The following INTS4 variants were observed in gnomAD, a reference collection of about 807,000 sequenced individuals.
INTS4 encodes the protein MSTP093.
INTS4 carries 70 observed loss-of-function variants against 119.5 expected under a neutral mutation model. That is an observed-to-expected ratio of 0.59 (90% CI 0.48 to 0.71). The LOEUF is 0.71. Ranked by LOEUF, INTS4 falls within the 30% of genes least tolerant of loss-of-function variation. INTS4 has a pLI of 0.00. For synonymous variants in INTS4, 316 were observed against 419.6 expected (o/e 0.75, Z 3.02); for missense variants, 867 against 1,173.2 (o/e 0.74, Z 3.81).
chr11:77,883,701 T>C, intron 22 of INTS4, 131 bp downstream of exon 22: 1 of 982,712 alleles, frequency 1.0e-6, no homozygotes, highest in Non-Finnish European at 1.5e-6. Flanking sequence ...GCTTATAAAC[T>C]CATTAAGTTC....
rs1952847846 is a variant in INTS4, at chr11:77,903,636, A to G, written c.2017-16T>C. On this transcript the variant is annotated splice_polypyrimidine_tract_variant and intron_variant, in intron 16 of 22. Transcript: ENST00000534064. Reference sequence around the variant, plus strand: ...CCTGCAAGGCCTACGCAGACAAATCAGGAGGGAACAGAATACCGAGGTCAC... The same window carrying G: ...CCTGCAAGGCCTACGCAGACAAATCGGGAGGGAACAGAATACCGAGGTCAC... The G allele has an allele frequency of 6.2e-7, 1 of 1,601,846 alleles. No individual in the cohort carries two copies. Among genetic ancestry groups the G allele is most frequent in the Non-Finnish European group, 8.5e-7 (1 of 1,170,890 alleles).
chr11:77,903,802 C>T (rs1266832218), intron 16 of INTS4, among the ~76,000 whole-genome samples, 182 bp from the exon 17 acceptor site: 1 of 152,184 alleles, frequency 6.6e-6, no homozygotes, highest in Non-Finnish European at 1.5e-5. Context: ...ATGGTTTGGG[C>T]TAAATGAATT....
intron 2 of INTS4, among the ~76,000 whole-genome samples, chr11:77,982,037 T>C (rs954576989): frequency 6.6e-6 from 1 of 152,012 alleles, no homozygotes; most frequent in Non-Finnish European, 1.5e-5. Context: ...CAACTGGGTA[T>C]ACAACATTGC....
chr11:77,884,256 C>A (rs1315319167), intron 21 of INTS4, among the ~76,000 whole-genome samples: 1 of 152,176 alleles, frequency 6.6e-6, no homozygotes, highest in Non-Finnish European at 1.5e-5. Flanking sequence ...CAGGCACCTT[C>A]ACCAGAAGAG....
At chr11:77,932,235 A>AC (rs1953668109) in intron 10 of INTS4, among the ~76,000 whole-genome samples, 1 of 144,846 alleles carries the variant, frequency 6.9e-6, no homozygotes, top group Admixed American at 6.8e-5. Flanking sequence ...ACTTAAACAA[A>AC]TTTCCAAAAA....
rs563391433 is a variant in INTS4, at chr11:77,979,196, C to T, written c.365-94G>A. ...GGGTAAAGAATGTAGATTGGCTAGG[C>T]GCAGTGACTCACAACTGTAATCCCA... On this transcript the variant is annotated intron_variant, in intron 3 of 22. Coordinates refer to ENST00000534064, the MANE Select transcript of INTS4 (RefSeq NM_033547.4). 2.8e-5 allele frequency: 19 copies of T among 674,204 alleles called. No homozygotes were observed. The Middle Eastern group carries it at 2.6e-3, about 91-fold the overall frequency. The allele number at this position is 674,204 out of a possible 1,614,324, so 41.8% of individuals were successfully genotyped here.
chr11:77,941,381 T>A, intron 8 of INTS4, 130 bp from the exon 9 acceptor site: 1 of 951,220 alleles, frequency 1.1e-6, no homozygotes, highest in Non-Finnish European at 1.5e-6. Context: ...ATGCTATGGG[T>A]TCTGAATCAG....
downstream of INTS4, among the ~76,000 whole-genome samples, chr11:77,878,222 C>T (rs1412515038): frequency 2.0e-5 from 3 of 151,956 alleles, no homozygotes; most frequent in Non-Finnish European, 4.4e-5. Context: ...ATTAGCAAGG[C>T]GTGGTGACAG....
chr11:77,892,454 T>C (rs899043233), intron 19 of INTS4, among the ~76,000 whole-genome samples: 3 of 152,192 alleles, frequency 2.0e-5, no homozygotes, highest in East Asian at 3.8e-4. Context: ...ATGAAGAACT[T>C]TGGGGATTCA....
chr11:77,885,158 A>G (rs1591001585), intron 21 of INTS4, among the ~76,000 whole-genome samples: 2 of 150,460 alleles, frequency 1.3e-5, no homozygotes, highest in East Asian at 2.0e-4. Context: ...GCTCACTGCA[A>G]CCTCCGCCTC....
intron 17 of INTS4, among the ~76,000 whole-genome samples, 187 bp from the exon 18 acceptor site, chr11:77,901,738 C>T (rs1790243): frequency 0.61 from 91,598 of 151,056 alleles, 28,368 homozygotes; most frequent in African/African-American, 0.72. Flanking sequence ...ATTTTGCCTA[C>T]TTAAAAAGAA....
chr11:77,930,020 T>C (rs1340460271), intron 10 of INTS4, among the ~76,000 whole-genome samples: 1 of 152,196 alleles, frequency 6.6e-6, no homozygotes, highest in Non-Finnish European at 1.5e-5. Context: ...GAGGAAGCCC[T>C]TTCTTGATTC....
chr11:77,893,940 G>A (rs201555674), intron 19 of INTS4, among the ~76,000 whole-genome samples: 2 of 122,606 alleles, frequency 1.6e-5, no homozygotes, highest in African/African-American at 6.1e-5. Context: ...TGGTGTGAAC[G>A]AACAGTGTTG....
At chr11:77,922,243 A>AG (rs1366151239) in intron 13 of INTS4, 113 bp downstream of exon 13, 392 of 1,400,364 alleles carry the variant, frequency 2.8e-4, no homozygotes, top group Middle Eastern at 5.2e-4. Flanking sequence ...AAAAAAAAAA[A>AG]AAAGAAAGAA....
chr11:77,891,391 C>A lies in INTS4; in HGVS notation c.2520G>T (p.Gly840=). 1 of 1,612,880 alleles carries A rather than the reference C, an allele frequency of 6.2e-7. No individual in the cohort carries two copies. Among genetic ancestry groups the A allele is most frequent in the East Asian group, 2.2e-5 (1 of 44,868 alleles). The change falls in exon 21 of 23, where the codon GGG becomes GGT. Residue 840 remains glycine (G), a synonymous_variant. Transcript: ENST00000534064. ...ESDNPLRFTS[G]LVVALDVDAT... is the part of the protein sequence containing the mutation. ...CATCAACATCCAGGGCAACCACCAACCCAGAGGTAAACCGCAAAGGGTTGT... is the reference window on the plus strand; with the variant it reads ...CATCAACATCCAGGGCAACCACCAAACCAGAGGTAAACCGCAAAGGGTTGT...
At chr11:77,974,427 G>T (rs1297919590) in intron 4 of INTS4, among the ~76,000 whole-genome samples, 1 of 151,634 alleles carries the variant, frequency 6.6e-6, no homozygotes, top group Non-Finnish European at 1.5e-5. Context: ...ATTTTTAGTA[G>T]AGACGGGGTT....
intron 8 of INTS4, among the ~76,000 whole-genome samples, 174 bp from the exon 9 acceptor site, chr11:77,941,425 C>T (rs892801421): frequency 2.7e-5 from 4 of 149,674 alleles, no homozygotes; most frequent in Admixed American, 2.0e-4. Context: ...CAGCTAACAC[C>T]TAAATAGAGC....
intron 15 of INTS4, chr11:77,918,158 A>G (rs1953248240): frequency 1.4e-6 from 1 of 699,648 alleles, no homozygotes; most frequent in East Asian, 2.7e-5. Flanking sequence ...TAGGCCGGGC[A>G]CAGTGGCTCA....
intron 4 of INTS4, among the ~76,000 whole-genome samples, chr11:77,973,739 T>C (rs535407394): frequency 6.6e-6 from 1 of 152,336 alleles, no homozygotes; most frequent in Admixed American, 6.5e-5. Flanking sequence ...CGATAGTGTA[T>C]TACATTCATT....
Sources: gnomAD v4.1 joint callset for allele counts (sites outside exome capture counted in the v4.1 genomes callset) on GRCh38, gnomAD v4.1.1 for gene constraint, MANE v1.5 for transcripts, NCBI Gene and HGNC (gene_info 2026-07-23, HGNC 2026-07-21) for gene names.